The following SI variants were observed in gnomAD, a reference collection of about 807,000 sequenced individuals.
SI encodes sucrase-isomaltase, intestinal.
Under a neutral mutation model 253.3 loss-of-function variants are expected in SI, and 235 were observed. The ratio of observed to expected loss-of-function variants is 0.93; its 90% CI spans 0.83 to 1.03. SI has a LOEUF of 1.03. Ranked by LOEUF, SI falls within the 50% of genes least tolerant of loss-of-function variation. SI has a pLI of 0.00. For synonymous variants in SI, 819 were observed against 712.0 expected, an observed-to-expected ratio of 1.15 and a Z score of -2.39; for missense variants, 2,442 against 2,211.1, an observed-to-expected ratio of 1.10 and a Z score of -2.09.
chr3:165,032,278 TGAA>T (rs1050800080), intron 24 of SI, among the ~76,000 whole-genome samples: 1 of 150,784 alleles, frequency 6.6e-6, no homozygotes, highest in African/African-American at 2.4e-5. Flanking sequence ...CATGAGAAAA[TGAA>T]ATATATAGAG....
intron 3 of SI, among the ~76,000 whole-genome samples, chr3:165,070,701 C>T (rs1714519074): frequency 1.3e-5 from 2 of 152,026 alleles, no homozygotes; most frequent in African/African-American, 4.8e-5. Flanking sequence ...ACTATAATCA[C>T]AATTTACATA....
At chr3:164,990,811 A>C (rs963382668) in intron 44 of SI, among the ~76,000 whole-genome samples, 2 of 152,032 alleles carry the variant, frequency 1.3e-5, no homozygotes, top group Admixed American at 6.6e-5. Flanking sequence ...AGACAAGTTA[A>C]TGGGTGCAGC....
chr3:165,036,571 T>C, intron 21 of SI, 94 bp from the exon 22 acceptor site: 1 of 806,588 alleles, frequency 1.2e-6, no homozygotes, highest in Non-Finnish European at 2.1e-6. Flanking sequence ...GTCTGTTTTA[T>C]GGGCCCTGAA....
chr3:165,009,314 A>G lies in SI; in HGVS notation c.4144T>C (p.Tyr1382His), dbSNP rs762412980. Residue 1382 changes from tyrosine (Y) to histidine (H), a missense_variant, in exon 35 of 48, where the codon TAC becomes CAC. Coordinates refer to ENST00000264382, the MANE Select transcript of SI (RefSeq NM_001041.4). ...CCATCAAACTTCATCTTTTCATTGT[A>G]AAAGTCCACAATTTCTCTGGCCCAC... is the stretch of plus-strand genomic sequence containing the variant. ...EWWAREIVDF[Y>H]NEKMKFDGLW... 6.8e-6 allele frequency: 11 copies of G among 1,612,298 alleles called. No individual in the cohort carries two copies. The highest frequency in any genetic ancestry group is 9.3e-6 in the Non-Finnish European group (11 of 1,178,428).
At chr3:165,073,528 T>G (rs1315372601) in intron 3 of SI, among the ~76,000 whole-genome samples, 4 of 151,958 alleles carry the variant, frequency 2.6e-5, no homozygotes, top group South Asian at 2.1e-4. Context: ...GAAGACAGAA[T>G]AGGGACAAAA....
Position 165,040,963 on chromosome 3 carries a change from TG to T in SI, c.2135del (p.Thr712LysfsTer2). 1 of 1,611,818 alleles carries T rather than the reference TG, an allele frequency of 6.2e-7. No homozygotes were observed. Among genetic ancestry groups the T allele is most frequent in the Middle Eastern group, 1.7e-4 (1 of 6,046 alleles). Reference sequence around the variant, plus strand: ...ACTCATGAAGAACTGGTCTTGCTACTGTTTCTCCAAACACATGGGCTTTATA... The same window carrying T: ...ACTCATGAAGAACTGGTCTTGCTACTTTTCTCCAAACACATGGGCTTTATA... ...LFYKAHVFGE[T>X]VARPVLHEFY... On this transcript the variant is annotated frameshift_variant, in exon 18 of 48. Coordinates refer to ENST00000264382, the MANE Select transcript of SI (RefSeq NM_001041.4). LOFTEE classifies it high-confidence loss of function.
chr3:165,052,567 G>C (rs1407109568), intron 13 of SI, among the ~76,000 whole-genome samples: 1 of 152,032 alleles, frequency 6.6e-6, no homozygotes, highest in Non-Finnish European at 1.5e-5. Context: ...GAGGCAGGGA[G>C]AATCTTTTGA....
intron 22 of SI, among the ~76,000 whole-genome samples, chr3:165,035,396 T>C (rs1281582874): frequency 6.6e-6 from 1 of 151,948 alleles, no homozygotes; most frequent in East Asian, 1.9e-4. Flanking sequence ...ATAAGTTTGA[T>C]TGCTAATACA....
At chr3:164,997,681 C>T (rs1459888562) in intron 38 of SI, among the ~76,000 whole-genome samples, 3 of 151,678 alleles carry the variant, frequency 2.0e-5, no homozygotes, top group African/African-American at 4.8e-5. Flanking sequence ...CTGTTGTTCC[C>T]TTCTTTGTGT....
At chr3:165,063,141 G>A (rs78977411) in intron 8 of SI, among the ~76,000 whole-genome samples, 84 of 151,688 alleles carry the variant, frequency 5.5e-4, no homozygotes, top group African/African-American at 1.9e-3. Flanking sequence ...TACTTATCTC[G>A]ACAAATGAGA....
At chr3:165,050,717 T>C (rs1315167517) in intron 13 of SI, among the ~76,000 whole-genome samples, 3 of 152,146 alleles carry the variant, frequency 2.0e-5, no homozygotes, top group Non-Finnish European at 2.9e-5. Context: ...TCCTTTCACA[T>C]AAAGACATCA....
At chr3:165,069,261 T>C (rs958492169) in intron 3 of SI, 66 bp from the exon 4 acceptor site, 15 of 1,051,244 alleles carry the variant, frequency 1.4e-5, no homozygotes, top group Non-Finnish European at 1.9e-5. Flanking sequence ...GTCTCTGTTT[T>C]TCCAAGGAAT....
chr3:165,086,274 T>C, the SI span, among the ~76,000 whole-genome samples: 1 of 151,894 alleles, frequency 6.6e-6, no homozygotes, highest in African/African-American at 2.4e-5. Context: ...GAAATCCTAA[T>C]TGAGAAAAAA....
At position 164,979,277 on chromosome 3, in the gene SI, C is replaced by G. The variant is rs1160488104; in HGVS notation, c.*85G>C. 4 of 825,014 alleles carry G rather than the reference C, an allele frequency of 4.8e-6. No homozygotes were observed. The highest frequency in any genetic ancestry group is 8.5e-6 in the Non-Finnish European group (4 of 469,228). 51.1% of individuals were successfully genotyped at this position (825,014 alleles called of 1,614,324 possible). A position where few individuals can be genotyped will look rare whatever the true frequency, so the allele number is the denominator to read the frequency against. ...AGCTATATTTTGTAGAGTACAAGAA[C>G]CAAGTGAAGAGGGAAAATTGTAAGT... On this transcript the variant is annotated 3_prime_UTR_variant, in exon 48 of 48. Coordinates refer to ENST00000264382, the MANE Select transcript of SI (RefSeq NM_001041.4).
At chr3:165,059,865 T>C (rs1225213684) in intron 10 of SI, 37 bp downstream of exon 10, 3 of 1,595,516 alleles carry the variant, frequency 1.9e-6, no homozygotes, top group Non-Finnish European at 2.6e-6. Flanking sequence ...AATATTTAAC[T>C]TGATATATAT....
intron 33 of SI, among the ~76,000 whole-genome samples, chr3:165,014,244 T>TG (rs534990180): frequency 2.4e-4 from 36 of 152,170 alleles, no homozygotes; most frequent in African/African-American, 7.9e-4. Flanking sequence ...TAGATTTTTT[T>TG]TTGTTGTTGT....
At chr3:165,062,239 TATG>T (rs1171638398) in intron 9 of SI, 129 bp downstream of exon 9, 20 of 628,860 alleles carry the variant, frequency 3.2e-5, no homozygotes, top group Non-Finnish European at 3.1e-5. Context: ...GCATCTTAAA[TATG>T]ATAAGATTTT....
At chr3:165,085,949 C>A in the SI span, among the ~76,000 whole-genome samples, 2 of 152,022 alleles carry the variant, frequency 1.3e-5, no homozygotes, top group Non-Finnish European at 2.9e-5. Context: ...TTGTAGTACT[C>A]AAATTATATT....
At chr3:164,999,499 T>G (rs1718166842) in intron 37 of SI, among the ~76,000 whole-genome samples, 1 of 151,642 alleles carries the variant, frequency 6.6e-6, no homozygotes, top group Non-Finnish European at 1.5e-5. Context: ...ACTCAAATAA[T>G]TTGAATATGA....
Sources: gnomAD v4.1 joint callset for allele counts (sites outside exome capture counted in the v4.1 genomes callset) on GRCh38, gnomAD v4.1.1 for gene constraint, MANE v1.5 for transcripts, NCBI Gene and HGNC (gene_info 2026-07-23, HGNC 2026-07-21) for gene names.